PDE4D: variants seen among roughly 807,000 people sequenced by gnomAD.
The protein encoded by PDE4D is phosphodiesterase 4D.
Under a neutral mutation model 87.4 loss-of-function variants are expected in PDE4D, and 24 were observed. The observed-to-expected ratio is 0.27, with a 90% CI of 0.20 to 0.39. PDE4D has a LOEUF of 0.39. PDE4D is among the 10% of genes least tolerant of loss of function. The pLI is 1.00. For synonymous variants in PDE4D, 384 were observed against 383.2 expected, an observed-to-expected ratio of 1.00 and a Z score of -0.02; for missense variants, 714 against 1,041.0, an observed-to-expected ratio of 0.69 and a Z score of 4.32.
chr5:59,107,318 C>T (rs942693184), intron 5 of PDE4D, among the ~76,000 whole-genome samples: 4 of 152,174 alleles, frequency 2.6e-5, no homozygotes, highest in Non-Finnish European at 5.9e-5. Context: ...AAGTGATTCT[C>T]CTGCCTCAGC....
chr5:58,970,282 T>A lies in PDE4D; in HGVS notation c.*4382A>T, dbSNP rs1742386630. 6.6e-6 allele frequency: 1 copy of A among 152,172 alleles called. No individual in the cohort carries two copies. Among genetic ancestry groups the A allele is most frequent in the Non-Finnish European group, 1.5e-5 (1 of 68,024 alleles). 9.4% of individuals were successfully genotyped at this position (152,172 alleles called of 1,614,324 possible). On this transcript the variant is annotated 3_prime_UTR_variant, in exon 15 of 15. Coordinates refer to ENST00000340635, the MANE Select transcript of PDE4D (RefSeq NM_001104631.2). ...AATCAGTTAAGGATGTTTTTGTAAT[T>A]ATAGTGTCCCCTTTGTACTGTTTAA...
intron 1 of PDE4D, among the ~76,000 whole-genome samples, chr5:59,472,404 C>T (rs1189922546): frequency 6.6e-6 from 1 of 152,106 alleles, no homozygotes; most frequent in Non-Finnish European, 1.5e-5. Context: ...CTCCTAAACC[C>T]AGATGGTTTT....
chr5:59,336,168 AC>A (rs899420515), intron 1 of PDE4D, among the ~76,000 whole-genome samples: 2 of 152,194 alleles, frequency 1.3e-5, no homozygotes, highest in Non-Finnish European at 2.9e-5. Flanking sequence ...TGGAATTGGT[AC>A]CCACAAGCTT....
chr5:60,266,095 G>A (rs997323939), intron 1 of PDE4D, among the ~76,000 whole-genome samples: 5 of 152,034 alleles, frequency 3.3e-5, no homozygotes, highest in South Asian at 2.1e-4. Flanking sequence ...TAGATGCAGC[G>A]GGAAGAAGGA....
chr5:59,529,046 G>T, intron 1 of PDE4D: 1 of 465,874 alleles, frequency 2.1e-6, no homozygotes. Context: ...AGGGCTCATC[G>T]AAGATCTTGC....
At chr5:59,014,760 T>C (rs1453971475) in intron 6 of PDE4D, among the ~76,000 whole-genome samples, 2 of 152,174 alleles carry the variant, frequency 1.3e-5, no homozygotes, top group Admixed American at 6.5e-5. Flanking sequence ...CTTCACAGAA[T>C]TGGAAAAACT....
chr5:59,252,933 C>T (rs534866720), intron 1 of PDE4D, among the ~76,000 whole-genome samples: 3 of 152,226 alleles, frequency 2.0e-5, no homozygotes, highest in African/African-American at 7.2e-5. Context: ...GCTTTCTTTC[C>T]TAGGTACCCT....
intron 1 of PDE4D, among the ~76,000 whole-genome samples, chr5:59,525,261 T>G (rs1237463651): frequency 6.6e-6 from 1 of 152,244 alleles, no homozygotes; most frequent in Non-Finnish European, 1.5e-5. Context: ...GACCCAACTC[T>G]TGCAACAGCA....
chr5:60,122,734 A>G (rs1289697069), intron 2 of PDE4D, among the ~76,000 whole-genome samples: 1 of 152,248 alleles, frequency 6.6e-6, no homozygotes, highest in Non-Finnish European at 1.5e-5. Context: ...TGAAGGCTTA[A>G]CATTCGGCCT....
In PDE4D at chr5:59,743,180, C is replaced by A. The variant is rs760916079; in HGVS notation, c.455+149988G>T. On this transcript the variant is annotated intron_variant, in intron 1 of 14. Coordinates refer to ENST00000340635, the MANE Select transcript of PDE4D (RefSeq NM_001104631.2). ...TATTCTTCATAATCAAAACACATTA[C>A]AGATAGACAAAAGTTAAATATAAAA... Among the ~76,000 whole-genome samples the A allele has an allele frequency of 4.7e-4, 72 of 151,778 alleles. 3 individuals carry two copies. The highest frequency in any genetic ancestry group is 3.2e-3 in the Middle Eastern group (1 of 314).
intron 1 of PDE4D, among the ~76,000 whole-genome samples, chr5:59,290,608 T>A (rs903228830): frequency 2.0e-5 from 3 of 152,022 alleles, no homozygotes; most frequent in Non-Finnish European, 2.9e-5. Context: ...TTAAAAAGCT[T>A]CTGCACAGCA....
At chr5:59,741,712 T>C (rs1299552039) in intron 1 of PDE4D, among the ~76,000 whole-genome samples, 1 of 152,214 alleles carries the variant, frequency 6.6e-6, no homozygotes, top group African/African-American at 2.4e-5. Context: ...TTCTTCTCTT[T>C]TAATCAACCT....
At chr5:60,253,037 AC>A (rs1034704373) in intron 1 of PDE4D, among the ~76,000 whole-genome samples, 6 of 151,894 alleles carry the variant, frequency 4.0e-5, no homozygotes, top group Non-Finnish European at 1.5e-5. Context: ...GAAACAATTT[AC>A]CAGCAACGGT....
intron 1 of PDE4D, among the ~76,000 whole-genome samples, chr5:59,387,957 C>A (rs1787430226): frequency 6.6e-6 from 1 of 152,012 alleles, no homozygotes; most frequent in Non-Finnish European, 1.5e-5. Context: ...TCAGCCCCCA[C>A]CCATCAGCCC....
At chr5:60,486,774 T>C (rs182000989) in intron 1 of PDE4D, among the ~76,000 whole-genome samples, 35 of 152,348 alleles carry the variant, frequency 2.3e-4, no homozygotes, top group African/African-American at 8.4e-4. Flanking sequence ...ACTGTTCAAA[T>C]GATTTATGCT....
intron 1 of PDE4D, among the ~76,000 whole-genome samples, chr5:59,660,458 AT>A (rs1255131159): frequency 2.0e-5 from 3 of 151,990 alleles, no homozygotes; most frequent in Admixed American, 6.6e-5. Flanking sequence ...AGGCTTCATT[AT>A]TTTTTTCCTC....
At chr5:59,156,185 C>T (rs920531765) in intron 5 of PDE4D, among the ~76,000 whole-genome samples, 1 of 151,266 alleles carries the variant, frequency 6.6e-6, no homozygotes, top group Non-Finnish European at 1.5e-5. Flanking sequence ...TGGATTTTCC[C>T]AAAGTGAGTA....
intron 1 of PDE4D, among the ~76,000 whole-genome samples, chr5:60,406,911 A>G (rs1016827880): frequency 1.3e-5 from 2 of 152,174 alleles, no homozygotes; most frequent in African/African-American, 4.8e-5. Context: ...GTGCTTCCCA[A>G]TGGCTGGTTG....
At chr5:59,000,055 A>C in intron 6 of PDE4D, 1 of 300,488 alleles carries the variant, frequency 3.3e-6, no homozygotes, top group Non-Finnish European at 4.9e-6. Flanking sequence ...CTGCTTTGGG[A>C]TTGGTTGGCA....
Sources: gnomAD v4.1 joint callset for allele counts (sites outside exome capture counted in the v4.1 genomes callset) on GRCh38, gnomAD v4.1.1 for gene constraint, MANE v1.5 for transcripts, NCBI Gene and HGNC (gene_info 2026-07-23, HGNC 2026-07-21) for gene names.